DGKB: variants seen among roughly 807,000 people sequenced by gnomAD.
DGKB encodes 90 kDa diacylglycerol kinase.
Under a neutral mutation model 114.3 loss-of-function variants are expected in DGKB, and 67 were observed. The observed-to-expected ratio is 0.59, with a 90% confidence interval of 0.48 to 0.72. The LOEUF (loss-of-function observed/expected upper bound fraction) is 0.72. DGKB is among the 30% of genes least tolerant of loss of function. The probability of loss-of-function intolerance (pLI) is 0.00; values close to 1 mark genes in which losing one functional copy is unlikely to be tolerated. For synonymous variants in DGKB, 398 were observed against 323.1 expected (o/e 1.23, Z -2.49); for missense variants, 907 against 975.2 (o/e 0.93, Z 0.93).
At chr7:14,814,679 T>C (rs1843869602) in intron 2 of DGKB, among the ~76,000 whole-genome samples, 1 of 152,168 alleles carries the variant, frequency 6.6e-6, no homozygotes, top group Non-Finnish European at 1.5e-5. Context: ...ACAAACGTTA[T>C]TTTTCTCTGA....
At chr7:14,702,396 G>T (rs2129012524) in intron 6 of DGKB, among the ~76,000 whole-genome samples, 1 of 152,250 alleles carries the variant, frequency 6.6e-6, no homozygotes, top group East Asian at 1.9e-4. Flanking sequence ...TATGATCATG[G>T]CTCTCATGGT....
intron 20 of DGKB, among the ~76,000 whole-genome samples, chr7:14,567,347 A>ATATAATTATATTATATATATTATATATT (rs1797647212): frequency 1.1e-4 from 4 of 37,458 alleles, no homozygotes; most frequent in African/African-American, 4.2e-4. Context: ...TATATATTAT[A>ATATAATTATATTATATATATTATATATT]TATATAATTA....
At chr7:14,808,271 T>C (rs980660091) in intron 2 of DGKB, among the ~76,000 whole-genome samples, 3 of 151,962 alleles carry the variant, frequency 2.0e-5, no homozygotes, top group East Asian at 1.9e-4. Flanking sequence ...CTACAGAAAA[T>C]AGCATTATGA....
chr7:14,916,314 A>G (rs1784237945), intron 1 of DGKB, among the ~76,000 whole-genome samples: 1 of 152,074 alleles, frequency 6.6e-6, no homozygotes, highest in South Asian at 2.1e-4. Flanking sequence ...TGCAATGTGT[A>G]AGAAGTTACA....
intron 20 of DGKB, among the ~76,000 whole-genome samples, chr7:14,501,737 C>T (rs981254296): frequency 6.6e-6 from 1 of 151,858 alleles, no homozygotes; most frequent in African/African-American, 2.4e-5. Context: ...TGTCTATTGC[C>T]ATTATCCTAT....
intron 21 of DGKB, among the ~76,000 whole-genome samples, chr7:14,365,415 G>T (rs1230986026): frequency 6.6e-6 from 1 of 151,986 alleles, no homozygotes; most frequent in East Asian, 1.9e-4. Flanking sequence ...ATATGTAAAA[G>T]AATCAGAACA....
chr7:14,450,324 G>C (rs866572740), intron 21 of DGKB, among the ~76,000 whole-genome samples: 1 of 152,206 alleles, frequency 6.6e-6, no homozygotes, highest in South Asian at 2.1e-4. Context: ...CAAGTGTTAG[G>C]CCTTGCTAAA....
At chr7:14,405,618 T>G (rs926737448) in intron 21 of DGKB, among the ~76,000 whole-genome samples, 10 of 152,002 alleles carry the variant, frequency 6.6e-5, no homozygotes, top group African/African-American at 2.4e-4. Context: ...CAGACAAGGT[T>G]CTAGCCACCC....
At chr7:14,246,844 A>G (rs957811272) in intron 23 of DGKB, among the ~76,000 whole-genome samples, 10 of 152,158 alleles carry the variant, frequency 6.6e-5, no homozygotes, top group African/African-American at 2.4e-4. Context: ...AGCAAATTTG[A>G]AGTTTACAAA....
At chr7:14,701,057 C>A (rs1233868386) in intron 7 of DGKB, among the ~76,000 whole-genome samples, 1 of 152,050 alleles carries the variant, frequency 6.6e-6, no homozygotes, top group Non-Finnish European at 1.5e-5. Context: ...CCATATATTA[C>A]AAATAAACGT....
At chr7:14,927,190 G>C (rs1019263845) in intron 1 of DGKB, among the ~76,000 whole-genome samples, 10 of 151,882 alleles carry the variant, frequency 6.6e-5, no homozygotes, top group African/African-American at 2.4e-4. Context: ...AGAATTTGTG[G>C]GGTCTGATTT....
At chr7:14,705,081 G>C (rs768285254) in intron 6 of DGKB, among the ~76,000 whole-genome samples, 2 of 149,132 alleles carry the variant, frequency 1.3e-5, no homozygotes, top group Admixed American at 6.7e-5. Context: ...AAAAAATTTA[G>C]AAGAATGTAT....
At chr7:14,486,870 T>TTA (rs1316633154) in intron 20 of DGKB, among the ~76,000 whole-genome samples, 2 of 152,224 alleles carry the variant, frequency 1.3e-5, no homozygotes, top group African/African-American at 4.8e-5. Flanking sequence ...ATAAATTGTT[T>TTA]TATATTTTCC....
At chr7:14,468,321 C>T (rs1036752970) in intron 21 of DGKB, among the ~76,000 whole-genome samples, 2 of 151,956 alleles carry the variant, frequency 1.3e-5, no homozygotes, top group Non-Finnish European at 2.9e-5. Flanking sequence ...CTTCTGTCTC[C>T]AGCACACAAT....
At chr7:14,928,370 T>A (rs1325582141) in intron 1 of DGKB, among the ~76,000 whole-genome samples, 5 of 152,000 alleles carry the variant, frequency 3.3e-5, no homozygotes, top group African/African-American at 9.7e-5. Flanking sequence ...TCACTTTAGT[T>A]TCTCAAAATA....
At chr7:14,577,687 G>A (rs1052251100) in intron 19 of DGKB, among the ~76,000 whole-genome samples, 2 of 151,958 alleles carry the variant, frequency 1.3e-5, no homozygotes, top group African/African-American at 2.4e-5. Context: ...GATTTTCCTT[G>A]CAATTAAATT....
chr7:14,506,355 A>T (rs1308124449), intron 20 of DGKB, among the ~76,000 whole-genome samples: 6 of 152,158 alleles, frequency 3.9e-5, no homozygotes, highest in African/African-American at 1.4e-4. Flanking sequence ...TACAGTTAAA[A>T]ACTTTTGCTT....
intron 23 of DGKB, among the ~76,000 whole-genome samples, chr7:14,235,505 G>T (rs1792620696): frequency 6.6e-6 from 1 of 151,968 alleles, no homozygotes; most frequent in African/African-American, 2.4e-5. Flanking sequence ...TTTATCAGAG[G>T]TTTCATCTGT....
intron 1 of DGKB, among the ~76,000 whole-genome samples, chr7:14,962,318 G>A (rs568985986): frequency 4.6e-5 from 7 of 152,092 alleles, no homozygotes; most frequent in Admixed American, 6.6e-5. Context: ...TTCAGCAACA[G>A]AATTTTAAAA....
Sources: allele counts gnomAD v4.1 joint callset (sites outside exome capture counted in the v4.1 genomes callset), GRCh38; gene constraint gnomAD v4.1.1; transcripts MANE v1.5; gene names NCBI Gene and HGNC (gene_info 2026-07-23, HGNC 2026-07-21).